Variants in ODAD2 observed in about 807,000 individuals in gnomAD.
ODAD2 encodes the protein outer dynein arm-docking complex subunit 2.
A neutral mutation model predicts 106.8 loss-of-function variants in ODAD2; 89 were observed. The ratio of observed to expected loss-of-function variants is 0.83; its 90% CI spans 0.70 to 0.99. The LOEUF is 0.99. Ranked by LOEUF, ODAD2 falls within the 50% of genes least tolerant of loss-of-function variation. The pLI, the probability that ODAD2 is intolerant of heterozygous loss-of-function variation, is 0.00. For missense variants in ODAD2, 1,168 were observed against 1,238.5 expected, an observed-to-expected ratio of 0.94 and a Z score of 0.85; for synonymous variants, 404 against 436.2, an observed-to-expected ratio of 0.93 and a Z score of 0.92.
chr10:27,880,328 A>T lies in ODAD2; in HGVS notation c.2611-17706T>A, dbSNP rs553490054. Among the ~76,000 whole-genome samples the T allele has an allele frequency of 2.0e-5, 3 of 152,282 alleles. No individual in the cohort carries two copies. The East Asian group carries it at 5.8e-4, about 29-fold the overall frequency. Reference sequence around the variant, plus strand: ...TAGAGAAACCAGTTGAGCTATCTGGATGTCTTCTTGAAGTAAATAATTTAT... The same window carrying T: ...TAGAGAAACCAGTTGAGCTATCTGGTTGTCTTCTTGAAGTAAATAATTTAT... On this transcript the variant is annotated intron_variant, in intron 17 of 19. Transcript: ENST00000305242.
chr10:27,884,292 C>T (rs78492276), intron 17 of ODAD2, among the ~76,000 whole-genome samples: 1 of 152,222 alleles, frequency 6.6e-6, no homozygotes, highest in East Asian at 1.9e-4. Context: ...CCTATGGAAA[C>T]ATTAAATAAA....
At chr10:27,931,015 C>G (rs1845580561) in intron 16 of ODAD2, among the ~76,000 whole-genome samples, 1 of 152,134 alleles carries the variant, frequency 6.6e-6, no homozygotes, top group Admixed American at 6.5e-5. Context: ...ATGACTTTTC[C>G]CAAGGCTCTA....
intron 1 of ODAD2, among the ~76,000 whole-genome samples, chr10:27,997,057 A>C (rs1362303793): frequency 1.3e-5 from 2 of 152,216 alleles, no homozygotes; most frequent in Non-Finnish European, 2.9e-5. Flanking sequence ...TGCTATAAAA[A>C]CCAAGTACTG....
At chr10:27,970,965 C>G (rs1270829781) in intron 8 of ODAD2, 143 bp downstream of exon 8, 10 of 326,452 alleles carry the variant, frequency 3.1e-5, no homozygotes, top group Admixed American at 5.4e-5. Flanking sequence ...GAGCAAGACT[C>G]CATCTTAAAT....
chr10:27,900,782 C>A (rs11006767), intron 17 of ODAD2, among the ~76,000 whole-genome samples: 100,656 of 151,906 alleles, frequency 0.66, 33,683 homozygotes, highest in Middle Eastern at 0.74. Flanking sequence ...TGAAAAGGAA[C>A]GAATGAAGCC....
At chr10:27,964,617 T>G (rs1451599382) in intron 9 of ODAD2, among the ~76,000 whole-genome samples, 7 of 152,190 alleles carry the variant, frequency 4.6e-5, no homozygotes, top group Non-Finnish European at 1.5e-5. Flanking sequence ...TGTTTTCATT[T>G]TAGGGACCAC....
intron 16 of ODAD2, among the ~76,000 whole-genome samples, chr10:27,928,507 G>T (rs1845403844): frequency 6.6e-6 from 1 of 151,998 alleles, no homozygotes; most frequent in Admixed American, 6.6e-5. Context: ...ATCCAAATTA[G>T]CATGACACAC....
At chr10:27,925,390 C>CTCTG (rs928015255) in intron 16 of ODAD2, among the ~76,000 whole-genome samples, 95 of 152,342 alleles carry the variant, frequency 6.2e-4, no homozygotes, top group African/African-American at 2.3e-3. Context: ...CAAGGCCTCA[C>CTCTG]TCTGTCACCC....
At chr10:27,835,378 C>A (rs1316300406) in intron 19 of ODAD2, among the ~76,000 whole-genome samples, 1 of 152,192 alleles carries the variant, frequency 6.6e-6, no homozygotes, top group Non-Finnish European at 1.5e-5. Flanking sequence ...CCATCTCACA[C>A]CTGTAGCCTG....
intron 16 of ODAD2, among the ~76,000 whole-genome samples, chr10:27,921,299 GA>G (rs769284744): frequency 2.9e-3 from 327 of 112,596 alleles, no homozygotes; most frequent in Admixed American, 5.0e-3. Flanking sequence ...CACCTCCAAC[GA>G]AAAAAAAAAA....
At chr10:27,903,114 C>T (rs1398056165) in intron 17 of ODAD2, among the ~76,000 whole-genome samples, 1 of 152,182 alleles carries the variant, frequency 6.6e-6, no homozygotes, top group African/African-American at 2.4e-5. Flanking sequence ...ATCAAGTCAG[C>T]TTCATCCCTG....
chr10:27,868,133 T>G (rs1248361564), intron 17 of ODAD2, among the ~76,000 whole-genome samples: 4 of 152,096 alleles, frequency 2.6e-5, no homozygotes, highest in Non-Finnish European at 5.9e-5. Flanking sequence ...CAATGAGGTA[T>G]CATCTCATGC....
chr10:27,884,885 C>T (rs1841972089), intron 17 of ODAD2, among the ~76,000 whole-genome samples: 1 of 152,114 alleles, frequency 6.6e-6, no homozygotes, highest in African/African-American at 2.4e-5. Context: ...CCAAGAAGAC[C>T]TTCTGCTTTT....
chr10:27,997,931 T>G (rs1850652833), intron 1 of ODAD2, among the ~76,000 whole-genome samples: 1 of 152,186 alleles, frequency 6.6e-6, no homozygotes, highest in Admixed American at 6.5e-5. Flanking sequence ...AAAGTTTTGG[T>G]TACGTGTTTA....
chr10:27,880,148 A>G (rs1344294698), intron 17 of ODAD2, among the ~76,000 whole-genome samples: 2 of 152,168 alleles, frequency 1.3e-5, no homozygotes, highest in African/African-American at 2.4e-5. Flanking sequence ...ATCTTTAACA[A>G]GTGAATTATA....
chr10:27,885,509 CAAAAAAAAAAAA>C (rs781326915), intron 17 of ODAD2, among the ~76,000 whole-genome samples: 42 of 19,826 alleles, frequency 2.1e-3, no homozygotes, highest in South Asian at 9.0e-3. Context: ...GACTCCATCT[CAAAAAAAAAAAA>C]AAAAAAAAAA....
chr10:27,909,817 GAAAAA>G (rs35449629), intron 16 of ODAD2, among the ~76,000 whole-genome samples: 39 of 56,380 alleles, frequency 6.9e-4, no homozygotes, highest in African/African-American at 2.4e-3. Flanking sequence ...GTCTTCATTT[GAAAAA>G]AAAAAAAAAA....
chr10:27,889,432 A>G (rs548337709), intron 17 of ODAD2, among the ~76,000 whole-genome samples: 46 of 152,338 alleles, frequency 3.0e-4, no homozygotes, highest in African/African-American at 1.0e-3. Flanking sequence ...CTAAGCACAG[A>G]TATAATCATC....
At position 27,820,777 on chromosome 10, in the gene ODAD2, C is replaced by CTTTTTTTTTT. The variant is rs72095120; in HGVS notation, c.3022-8162_3022-8153dup. 1.4e-3 allele frequency among the ~76,000 whole-genome samples: 149 copies of CTTTTTTTTTT among 105,526 alleles called. 6 individuals carry two copies. Among genetic ancestry groups the CTTTTTTTTTT allele is most frequent in the African/African-American group, 5.6e-3 (144 of 25,700 alleles). The allele number at this position is 105,526 out of a possible 152,430, so 69.2% of individuals were successfully genotyped here. ...CAATTAAACCAATGAAGCCCAGCAA[C>CTTTTTTTTTT]TTTTTTTTTTTTTTTTTTTTTTTTG... On this transcript the variant is annotated intron_variant, in intron 19 of 19. Transcript: ENST00000305242.
Sources: gnomAD v4.1 joint callset for allele counts (sites outside exome capture counted in the v4.1 genomes callset) on GRCh38, gnomAD v4.1.1 for gene constraint, MANE v1.5 for transcripts, NCBI Gene and HGNC (gene_info 2026-07-23, HGNC 2026-07-21) for gene names.